The following TNIK variants were observed in gnomAD, a reference collection of about 807,000 sequenced individuals.
TNIK encodes TRAF2 and NCK-interacting protein kinase.
In TNIK, 49 loss-of-function variants were observed where a neutral mutation model predicts 191.3. That is an observed-to-expected ratio of 0.26 (90% CI 0.20 to 0.32). The LOEUF is 0.32. Among genes scored for constraint, TNIK ranks in the 10% least tolerant of loss-of-function variants. The pLI, the probability that TNIK is intolerant of heterozygous loss-of-function variation, is 1.00. For synonymous variants in TNIK, 594 were observed against 600.9 expected, an observed-to-expected ratio of 0.99 and a Z score of 0.17; for missense variants, 1,155 against 1,702.3, an observed-to-expected ratio of 0.68 and a Z score of 5.66.
At chr3:171,354,181 G>A (rs1713660771) in intron 2 of TNIK, among the ~76,000 whole-genome samples, 1 of 152,122 alleles carries the variant, frequency 6.6e-6, no homozygotes, top group Non-Finnish European at 1.5e-5. Context: ...ACACACCTTT[G>A]TATAGCTATC....
chr3:171,083,633 T>C (rs1231852521), intron 26 of TNIK, among the ~76,000 whole-genome samples: 1 of 152,230 alleles, frequency 6.6e-6, no homozygotes, highest in Non-Finnish European at 1.5e-5. Context: ...TATTTGTTGT[T>C]CTTTTCAAGT....
At chr3:171,411,583 T>C (rs1250586162) in intron 1 of TNIK, among the ~76,000 whole-genome samples, 2 of 152,180 alleles carry the variant, frequency 1.3e-5, no homozygotes, top group East Asian at 1.9e-4. Context: ...GCTCACCTTT[T>C]TATACTGGTC....
chr3:171,110,344 C>T (rs1343560307), intron 19 of TNIK, among the ~76,000 whole-genome samples: 1 of 152,182 alleles, frequency 6.6e-6, no homozygotes, highest in African/African-American at 2.4e-5. Flanking sequence ...CTAAACAGGA[C>T]AATTGGTGCA....
chr3:171,365,626 A>G (rs974802297), intron 2 of TNIK, among the ~76,000 whole-genome samples: 2 of 152,246 alleles, frequency 1.3e-5, no homozygotes, highest in African/African-American at 4.8e-5. Context: ...CTGCAGGAAA[A>G]TGGACTGACA....
intron 25 of TNIK, among the ~76,000 whole-genome samples, 159 bp downstream of exon 25, chr3:171,084,959 G>A (rs1721150583): frequency 6.6e-6 from 1 of 152,148 alleles, no homozygotes; most frequent in South Asian, 2.1e-4. Context: ...ATTTGTTTTA[G>A]GAGTCCTACA....
intron 2 of TNIK, among the ~76,000 whole-genome samples, chr3:171,312,510 C>G (rs1754150022): frequency 6.6e-6 from 1 of 151,976 alleles, no homozygotes; most frequent in African/African-American, 2.4e-5. Flanking sequence ...CCCACACAAA[C>G]CACTTTGGAT....
chr3:171,186,949 G>C (rs150503870), intron 7 of TNIK, among the ~76,000 whole-genome samples: 1 of 152,322 alleles, frequency 6.6e-6, no homozygotes, highest in African/African-American at 2.4e-5. Flanking sequence ...CAGAAGGAAA[G>C]CCTCTTCTAG....
chr3:171,134,810 A>G (rs938548913), intron 15 of TNIK, among the ~76,000 whole-genome samples: 6 of 152,262 alleles, frequency 3.9e-5, no homozygotes, highest in African/African-American at 7.2e-5. Flanking sequence ...AAACAAGAAC[A>G]GAGAGAACAA....
At chr3:171,415,104 T>C (rs1033875524) in intron 1 of TNIK, among the ~76,000 whole-genome samples, 8 of 152,128 alleles carry the variant, frequency 5.3e-5, no homozygotes, top group African/African-American at 1.7e-4. Flanking sequence ...ACATACAGAG[T>C]ATGTACCATC....
chr3:171,131,810 TCTC>T (rs1347006679), intron 15 of TNIK, among the ~76,000 whole-genome samples: 4 of 152,152 alleles, frequency 2.6e-5, no homozygotes, highest in Non-Finnish European at 4.4e-5. Flanking sequence ...AAGTGGCACT[TCTC>T]CTAATAATAC....
At chr3:171,175,793 A>G (rs1454326767) in intron 8 of TNIK, among the ~76,000 whole-genome samples, 1 of 152,228 alleles carries the variant, frequency 6.6e-6, no homozygotes, top group African/African-American at 2.4e-5. Flanking sequence ...ATTGTTATCT[A>G]CACAGATTTT....
At chr3:171,105,769 A>G (rs368596931) in intron 21 of TNIK, among the ~76,000 whole-genome samples, 5 of 152,288 alleles carry the variant, frequency 3.3e-5, no homozygotes, top group African/African-American at 1.2e-4. Flanking sequence ...CCTCCAAGCC[A>G]ATTTCTGAAC....
At chr3:171,149,633 G>C (rs1045995682) in intron 12 of TNIK, among the ~76,000 whole-genome samples, 2 of 152,086 alleles carry the variant, frequency 1.3e-5, no homozygotes, top group Non-Finnish European at 2.9e-5. Flanking sequence ...CAGATGACAC[G>C]GCTCCCTGAA....
intron 1 of TNIK, among the ~76,000 whole-genome samples, chr3:171,413,525 A>G (rs1191120165): frequency 6.6e-6 from 1 of 152,092 alleles, no homozygotes; most frequent in Admixed American, 6.6e-5. Context: ...CCACTGGCTC[A>G]TTTCCTCCAG....
chr3:171,180,532 C>T (rs1403492263), intron 7 of TNIK, among the ~76,000 whole-genome samples: 2 of 152,200 alleles, frequency 1.3e-5, no homozygotes, highest in Non-Finnish European at 2.9e-5. Context: ...TAGAACTGCT[C>T]CTGGCACACA....
At chr3:171,458,684 A>G (rs1450378420) in intron 1 of TNIK, among the ~76,000 whole-genome samples, 2 of 152,196 alleles carry the variant, frequency 1.3e-5, no homozygotes, top group African/African-American at 4.8e-5. Context: ...AAATGGCCCC[A>G]AGATTCAGCA....
At chr3:171,150,724 G>A (rs1272094916) in intron 12 of TNIK, among the ~76,000 whole-genome samples, 1 of 152,128 alleles carries the variant, frequency 6.6e-6, no homozygotes, top group East Asian at 1.9e-4. Context: ...TCCGCAAAAG[G>A]ACAAAGAATG....
chr3:171,253,312 C>G (rs1390742721), intron 2 of TNIK, among the ~76,000 whole-genome samples: 1 of 151,460 alleles, frequency 6.6e-6, no homozygotes, highest in Non-Finnish European at 1.5e-5. Context: ...ACTAAAGTAT[C>G]TGGGAATATT....
chr3:171,337,479 A>G (rs529086699), intron 2 of TNIK, among the ~76,000 whole-genome samples: 12 of 152,336 alleles, frequency 7.9e-5, no homozygotes, highest in African/African-American at 2.9e-4. Context: ...GCATGTAAAT[A>G]CGGTTTAAGC....
Sources: allele counts gnomAD v4.1 joint callset (sites outside exome capture counted in the v4.1 genomes callset), GRCh38; gene constraint gnomAD v4.1.1; transcripts MANE v1.5; gene names NCBI Gene and HGNC (gene_info 2026-07-23, HGNC 2026-07-21).